THSD4: variants seen among roughly 807,000 people sequenced by gnomAD.
THSD4 encodes thrombospondin type-1 domain-containing protein 4.
THSD4 carries 69 observed loss-of-function variants against 119.0 expected under a neutral mutation model. The observed-to-expected ratio is 0.58, with a 90% CI of 0.48 to 0.71. The LOEUF (loss-of-function observed/expected upper bound fraction) is 0.71. Among genes scored for constraint, THSD4 ranks in the 30% least tolerant of loss-of-function variants. THSD4 has a pLI of 0.00. For missense variants in THSD4, 1,393 were observed against 1,391.1 expected (o/e 1.00, Z -0.02); for synonymous variants, 524 against 540.4 (o/e 0.97, Z 0.42).
intron 1 of THSD4, among the ~76,000 whole-genome samples, chr15:71,099,829 G>C (rs1298530524): frequency 2.6e-5 from 4 of 152,176 alleles, no homozygotes; most frequent in African/African-American, 9.6e-5. Flanking sequence ...GCCGGTCGTG[G>C]TGGCACACAC....
intron 7 of THSD4, among the ~76,000 whole-genome samples, chr15:71,537,190 C>T (rs1462208072): frequency 6.6e-6 from 1 of 152,162 alleles, no homozygotes; most frequent in African/African-American, 2.4e-5. Flanking sequence ...CCAGTTTAAG[C>T]TCTTAGCCCT....
rs1321522921 is a variant in THSD4, at chr15:71,703,086, T to G, written c.1358-25463T>G. Among the ~76,000 whole-genome samples the G allele has an allele frequency of 2.6e-5, 4 of 152,270 alleles. No homozygotes were observed. The East Asian group carries it at 7.7e-4, about 29-fold the overall frequency. On this transcript the variant is annotated intron_variant, in intron 8 of 17. Transcript: ENST00000261862. ...ACCTCCGCCTCCTGGGTTCGAAGGA[T>G]TCTCCTGCCTTCTGAGTAGCTGGAA...
At chr15:71,703,573 C>CGCACTGGGGACAGGTCTTACATA (rs1332682114) in intron 8 of THSD4, among the ~76,000 whole-genome samples, 1 of 152,068 alleles carries the variant, frequency 6.6e-6, no homozygotes, top group Non-Finnish European at 1.5e-5. Context: ...GGTCTTACAT[C>CGCACTGGGGACAGGTCTTACATA]GCACTGGGGA....
chr15:71,215,187 C>A lies in THSD4; in HGVS notation c.252C>A (p.Ser84=). ...MEQTRPCLPR[S]YRLRGGQRPG... is the part of the protein sequence containing the mutation. Reference sequence around the variant, plus strand: ...AGACGCGGCCCTGCCTGCCCCGCTCCTACCGCCTGCGCGGCGGCCAGCGGC... The same window carrying A: ...AGACGCGGCCCTGCCTGCCCCGCTCATACCGCCTGCGCGGCGGCCAGCGGC... The change falls in exon 4 of 18, where the codon TCC becomes TCA. Residue 84 remains serine, a synonymous_variant. Transcript: ENST00000261862. 1 of 1,363,246 alleles carries A rather than the reference C, an allele frequency of 7.3e-7. No individual in the cohort carries two copies. The highest frequency in any genetic ancestry group is 9.4e-7 in the Non-Finnish European group (1 of 1,061,524). The allele number at this position is 1,363,246 out of a possible 1,614,324, so 84.4% of individuals were successfully genotyped here. A position where few individuals can be genotyped will look rare whatever the true frequency, so the allele number is the denominator to read the frequency against.
Position 71,584,215 on chromosome 15 carries a change from T to C in THSD4, c.1153-76315T>C, listed in dbSNP as rs528492574. ...AAAGTCTATTTTAAGTATAGTCACC[T>C]CTACTCTTTTTTGGTTACCATTCAC... On this transcript the variant is annotated intron_variant, in intron 7 of 17. Transcript: ENST00000261862. 2.6e-5 allele frequency among the ~76,000 whole-genome samples: 4 copies of C among 151,424 alleles called. No homozygotes were observed. In the South Asian group the frequency reaches 8.3e-4, roughly 32 times the overall value.
chr15:71,453,447 A>C (rs770699930), intron 7 of THSD4, among the ~76,000 whole-genome samples: 25 of 152,210 alleles, frequency 1.6e-4, no homozygotes, highest in Non-Finnish European at 2.9e-4. Flanking sequence ...TGTGAGGGCC[A>C]TGGAGCAACA....
intron 7 of THSD4, among the ~76,000 whole-genome samples, chr15:71,455,424 A>G (rs2047325584): frequency 6.6e-6 from 1 of 152,018 alleles, no homozygotes; most frequent in Non-Finnish European, 1.5e-5. Context: ...GTGTGATTGG[A>G]GAGTGTTCTT....
intron 1 of THSD4, among the ~76,000 whole-genome samples, chr15:71,123,605 C>T (rs561782541): frequency 1.1e-4 from 17 of 152,168 alleles, no homozygotes; most frequent in African/African-American, 2.9e-4. Flanking sequence ...GCCTTAGCAG[C>T]GGGCAGGTGA....
chr15:71,460,761 C>T (rs555501360), intron 7 of THSD4, among the ~76,000 whole-genome samples: 3 of 152,174 alleles, frequency 2.0e-5, no homozygotes, highest in Non-Finnish European at 2.9e-5. Context: ...GCCAAGGTCA[C>T]TTTACCTTGC....
At chr15:71,648,678 CAT>C (rs1422236673) in intron 7 of THSD4, among the ~76,000 whole-genome samples, 1 of 152,148 alleles carries the variant, frequency 6.6e-6, no homozygotes, top group Non-Finnish European at 1.5e-5. Context: ...ACTTGAGAAT[CAT>C]GTGAAAAGAA....
chr15:71,638,117 T>TA (rs1435399055), intron 7 of THSD4, among the ~76,000 whole-genome samples: 8 of 152,202 alleles, frequency 5.3e-5, no homozygotes, highest in Non-Finnish European at 1.2e-4. Flanking sequence ...GTTTTTGTTT[T>TA]AAAAAGTGCA....
intron 7 of THSD4, among the ~76,000 whole-genome samples, chr15:71,468,220 C>G (rs2047527460): frequency 6.6e-6 from 1 of 152,194 alleles, no homozygotes; most frequent in African/African-American, 2.4e-5. Context: ...TAAGATGTGT[C>G]TTGCTTCCCC....
chr15:71,641,770 CTG>C (rs2050862484), intron 7 of THSD4, among the ~76,000 whole-genome samples: 1 of 152,052 alleles, frequency 6.6e-6, no homozygotes, highest in African/African-American at 2.4e-5. Context: ...TTTTAAGCCA[CTG>C]TTTTCACAAG....
At chr15:71,266,127 C>T (rs1217477574) in intron 6 of THSD4, among the ~76,000 whole-genome samples, 1 of 152,242 alleles carries the variant, frequency 6.6e-6, no homozygotes, top group East Asian at 1.9e-4. Flanking sequence ...AGACTGCCTC[C>T]TCAAGTGGGT....
chr15:71,707,434 T>G (rs1222416626), intron 8 of THSD4, among the ~76,000 whole-genome samples: 1 of 152,136 alleles, frequency 6.6e-6, no homozygotes, highest in Non-Finnish European at 1.5e-5. Context: ...AATATTTTAA[T>G]TAAACCAACA....
intron 6 of THSD4, among the ~76,000 whole-genome samples, chr15:71,387,597 C>G (rs1300263986): frequency 1.3e-5 from 2 of 152,108 alleles, no homozygotes; most frequent in Non-Finnish European, 2.9e-5. Flanking sequence ...AATTATGTTG[C>G]CTGATATCTG....
chr15:71,588,394 A>T (rs2049728761), intron 7 of THSD4, among the ~76,000 whole-genome samples: 1 of 150,416 alleles, frequency 6.6e-6, no homozygotes, highest in African/African-American at 2.4e-5. Flanking sequence ...GCTTTTATTT[A>T]TTTTTTTTAA....
At chr15:71,447,979 T>G (rs1367041462) in intron 7 of THSD4, among the ~76,000 whole-genome samples, 1 of 152,198 alleles carries the variant, frequency 6.6e-6, no homozygotes, top group African/African-American at 2.4e-5. Context: ...TGGCTTTTCC[T>G]CTGGTAAACA....
At chr15:71,325,776 C>T (rs1174214141) in intron 6 of THSD4, among the ~76,000 whole-genome samples, 1 of 152,074 alleles carries the variant, frequency 6.6e-6, no homozygotes, top group East Asian at 1.9e-4. Context: ...AATTAGAGCC[C>T]ATTTGACTTT....
Sources: allele counts gnomAD v4.1 joint callset (sites outside exome capture counted in the v4.1 genomes callset), GRCh38; gene constraint gnomAD v4.1.1; transcripts MANE v1.5; gene names NCBI Gene and HGNC (gene_info 2026-07-23, HGNC 2026-07-21).